Variants in ITGA2 observed in about 807,000 individuals in gnomAD.
The protein encoded by ITGA2 is integrin subunit alpha 2, also known as integrin alpha-2.
Under a neutral mutation model 146.3 loss-of-function variants are expected in ITGA2, and 101 were observed. The observed-to-expected ratio is 0.69, with a 90% CI of 0.59 to 0.81. The LOEUF (loss-of-function observed/expected upper bound fraction) is 0.81, where lower values mean the gene tolerates loss of function less well. Among genes scored for constraint, ITGA2 ranks in the 40% least tolerant of loss-of-function variants. ITGA2 has a pLI of 0.00. For missense variants in ITGA2, 1,281 were observed against 1,402.7 expected, an observed-to-expected ratio of 0.91 and a Z score of 1.39; for synonymous variants, 477 against 487.1, an observed-to-expected ratio of 0.98 and a Z score of 0.27.
At chr5:53,062,133 A>AC (rs1744929034) in intron 12 of ITGA2, among the ~76,000 whole-genome samples, 1 of 151,818 alleles carries the variant, frequency 6.6e-6, no homozygotes. Flanking sequence ...TCCTGTCCCA[A>AC]TCTATCCAGC....
intron 2 of ITGA2, among the ~76,000 whole-genome samples, chr5:53,031,307 C>A (rs887138814): frequency 4.6e-5 from 7 of 152,130 alleles, no homozygotes; most frequent in Admixed American, 2.0e-4. Flanking sequence ...AATACATGCA[C>A]ACACACACAA....
Position 53,087,044 on chromosome 5 carries a change from G to C in ITGA2, c.3348+3G>C, listed in dbSNP as rs760063423. On this transcript the variant is annotated splice_donor_region_variant and intron_variant, in intron 28 of 29. Transcript: ENST00000296585. ...TGATTGAAGATAACACTGTTACGGT[G>C]AGCATATCACACCCTTCCCTGTGAG... 1 of 1,605,136 alleles carries C rather than the reference G, an allele frequency of 6.2e-7. No individual in the cohort carries two copies. The highest frequency in any genetic ancestry group is 8.5e-7 in the Non-Finnish European group (1 of 1,172,084).
intron 28 of ITGA2, among the ~76,000 whole-genome samples, 169 bp from the exon 29 acceptor site, chr5:53,089,777 A>G (rs1404814676): frequency 6.6e-6 from 1 of 152,194 alleles, no homozygotes; most frequent in Non-Finnish European, 1.5e-5. Flanking sequence ...TTGCAGGAAG[A>G]TTTTCTCTAA....
At chr5:52,992,806 G>T (rs1417941990) in intron 1 of ITGA2, among the ~76,000 whole-genome samples, 1 of 152,110 alleles carries the variant, frequency 6.6e-6, no homozygotes, top group Non-Finnish European at 1.5e-5. Context: ...GTAGGGTAAA[G>T]TGCCAATTTC....
At chr5:53,066,317 A>G (rs184166043) in intron 15 of ITGA2, among the ~76,000 whole-genome samples, 3 of 151,924 alleles carry the variant, frequency 2.0e-5, no homozygotes, top group Non-Finnish European at 4.4e-5. Context: ...ATGAGAGTGC[A>G]TTCAAAAATA....
chr5:53,048,467 T>C lies in ITGA2; in HGVS notation c.492T>C (p.Pro164=). 1 of 1,613,960 alleles carries C rather than the reference T, an allele frequency of 6.2e-7. No homozygotes were observed. Among genetic ancestry groups the C allele is most frequent in the East Asian group, 2.2e-5 (1 of 44,872 alleles). The part of the protein sequence containing the change: ...PDFQLSASFS[P]ATQPCPSLID... ...TTCAGCTCTCAGCCAGCTTCTCACCTGCAACTCAGCGTAAGTTATTAATGT... is the reference window on the plus strand; with the variant it reads ...TTCAGCTCTCAGCCAGCTTCTCACCCGCAACTCAGCGTAAGTTATTAATGT... Residue 164 remains proline, a synonymous_variant, in exon 5 of 30, where the codon CCT becomes CCC. Transcript: ENST00000296585.
chr5:53,078,679 A>G (rs1266498697), intron 23 of ITGA2, 93 bp from the exon 24 acceptor site: 7 of 752,148 alleles, frequency 9.3e-6, no homozygotes, highest in African/African-American at 8.8e-5. Context: ...ATTTACTTTA[A>G]CCTAAGCTAT....
intron 1 of ITGA2, among the ~76,000 whole-genome samples, chr5:53,009,931 T>A (rs1742038234): frequency 6.6e-6 from 1 of 152,196 alleles, no homozygotes; most frequent in South Asian, 2.1e-4. Context: ...AGAAATAAAC[T>A]TCTGTTGTTG....
chr5:53,065,978 G>A lies in ITGA2; in HGVS notation c.1943+1G>A. On this transcript the variant is annotated splice_donor_variant, in intron 15 of 29. Coordinates refer to ENST00000296585, the MANE Select transcript of ITGA2 (RefSeq NM_002203.4). LOFTEE classifies it high-confidence loss of function. ...CCTTTGGACAAGTGGTTCAACTCTG[G>A]TGAGTCAGGAAGAGCCAGACACAAA... 3 of 1,611,768 alleles carry A rather than the reference G, an allele frequency of 1.9e-6. No individual in the cohort carries two copies. The highest frequency in any genetic ancestry group is 2.5e-6 in the Non-Finnish European group (3 of 1,178,482).
rs1336938744 is a variant in ITGA2, at chr5:53,010,224, TATCTC to T, written c.65-16522_65-16518del. Reference sequence around the variant, plus strand: ...AACCTGCAAATTTTTAAAAAAATGTTATCTCAGCAGAAGCATTGCCATCTTTGACT... The same window carrying T: ...AACCTGCAAATTTTTAAAAAAATGTTAGCAGAAGCATTGCCATCTTTGACT... On this transcript the variant is annotated intron_variant, in intron 1 of 29. Coordinates refer to ENST00000296585, the MANE Select transcript of ITGA2 (RefSeq NM_002203.4). Among the ~76,000 whole-genome samples the T allele has an allele frequency of 1.3e-4, 20 of 152,276 alleles. No homozygotes were observed. In the East Asian group the frequency reaches 2.9e-3, roughly 22 times the overall value.
At chr5:53,077,360 G>A (rs938823748) in intron 23 of ITGA2, among the ~76,000 whole-genome samples, 1 of 151,760 alleles carries the variant, frequency 6.6e-6, no homozygotes, top group African/African-American at 2.4e-5. Context: ...CTTTGATACT[G>A]TATAACTGTA....
intron 4 of ITGA2, among the ~76,000 whole-genome samples, chr5:53,046,929 A>G (rs966203115): frequency 6.6e-6 from 1 of 152,108 alleles, no homozygotes; most frequent in Non-Finnish European, 1.5e-5. Flanking sequence ...AACAAAAAAA[A>G]ATTTTGAATA....
intron 3 of ITGA2, among the ~76,000 whole-genome samples, chr5:53,043,545 C>T (rs1373094114): frequency 6.6e-6 from 1 of 152,006 alleles, no homozygotes; most frequent in Non-Finnish European, 1.5e-5. Context: ...AAATAGATAA[C>T]AAAGAATTTA....
intron 1 of ITGA2, among the ~76,000 whole-genome samples, chr5:52,999,359 A>G (rs1741454834): frequency 6.6e-6 from 1 of 152,246 alleles, no homozygotes; most frequent in Non-Finnish European, 1.5e-5. Context: ...ATACATGTAG[A>G]CAAATGCATA....
rs369603598 is a variant in ITGA2, at chr5:53,053,054, TTTTGA to T, written c.779+1498_779+1502del. 7.2e-5 allele frequency among the ~76,000 whole-genome samples: 11 copies of T among 152,300 alleles called. No homozygotes were observed. The East Asian group carries it at 1.9e-3, about 27-fold the overall frequency. On this transcript the variant is annotated intron_variant, in intron 7 of 29. Transcript: ENST00000296585. ...CCTACCACTCCTCATGAACTTGCCA[TTTTGA>T]TTCATGCCACTGTCTCTTGCCTAGT...
At chr5:53,066,892 A>G (rs923352812) in intron 15 of ITGA2, among the ~76,000 whole-genome samples, 1 of 151,942 alleles carries the variant, frequency 6.6e-6, no homozygotes, top group Admixed American at 6.6e-5. Context: ...ATAAATAACT[A>G]ATATGTTAAA....
At chr5:53,076,805 G>A (rs907346667) in intron 23 of ITGA2, among the ~76,000 whole-genome samples, 6 of 151,902 alleles carry the variant, frequency 3.9e-5, no homozygotes, top group African/African-American at 1.5e-4. Flanking sequence ...GTATTCTAAT[G>A]TTCTTTAAAA....
chr5:53,003,115 A>G (rs1259566346), intron 1 of ITGA2, among the ~76,000 whole-genome samples: 1 of 152,070 alleles, frequency 6.6e-6, no homozygotes, highest in Non-Finnish European at 1.5e-5. Context: ...CCATCATTTT[A>G]AGCTACCCAT....
In ITGA2 at chr5:53,091,904, T is replaced by C. The variant is rs1740442616; in HGVS notation, c.*1305T>C. On this transcript the variant is annotated 3_prime_UTR_variant, in exon 30 of 30. Coordinates refer to ENST00000296585, the MANE Select transcript of ITGA2 (RefSeq NM_002203.4). ...AGATGAGGCACTGGAAGCCACCAAA[T>C]TAGCAGGTGCACCTTCTGTGGCTGT... 1 of 152,198 alleles carries C rather than the reference T, an allele frequency of 6.6e-6. No homozygotes were observed. Among genetic ancestry groups the C allele is most frequent in the Non-Finnish European group, 1.5e-5 (1 of 68,042 alleles). 9.4% of individuals were successfully genotyped at this position (152,198 alleles called of 1,614,324 possible).
Sources: allele counts gnomAD v4.1 joint callset (sites outside exome capture counted in the v4.1 genomes callset), GRCh38; gene constraint gnomAD v4.1.1; transcripts MANE v1.5; gene names NCBI Gene and HGNC (gene_info 2026-07-23, HGNC 2026-07-21).